TXLNG: variants seen among roughly 807,000 people sequenced by gnomAD.
TXLNG encodes gamma-taxilin.
A neutral mutation model predicts 38.8 loss-of-function variants in TXLNG; 5 were observed. The ratio of observed to expected loss-of-function variants is 0.13; its 90% CI spans 0.07 to 0.27. TXLNG has a LOEUF of 0.27. Among genes scored for constraint, TXLNG ranks in the 10% least tolerant of loss-of-function variants. The pLI is 1.00. For missense variants in TXLNG, 393 were observed against 398.2 expected, an observed-to-expected ratio of 0.99 and a Z score of 0.11; for synonymous variants, 182 against 158.2, an observed-to-expected ratio of 1.15 and a Z score of -1.13.
At chrX:16,836,316 C>T (rs766173360) in intron 7 of TXLNG, among the ~76,000 whole-genome samples, 14 of 112,272 alleles carry the variant, frequency 1.2e-4, no homozygotes, top group Non-Finnish European at 1.9e-4. Context: ...ATACTGCTCC[C>T]TCCCTCTGCG....
At chrX:16,821,039 G>T (rs751339485) in intron 3 of TXLNG, among the ~76,000 whole-genome samples, 8 of 107,603 alleles carry the variant, frequency 7.4e-5, no homozygotes, top group African/African-American at 2.4e-4. Flanking sequence ...AAAGTGCTGG[G>T]ATTACAGGCA....
chrX:16,790,435 C>T (rs995879444), intron 1 of TXLNG, among the ~76,000 whole-genome samples: 1 of 110,453 alleles, frequency 9.1e-6, no homozygotes, highest in African/African-American at 3.3e-5. Flanking sequence ...CTCCTAGGCT[C>T]AGGCGATCGT....
intron 3 of TXLNG, among the ~76,000 whole-genome samples, chrX:16,823,943 A>G (rs896861415): frequency 2.7e-5 from 3 of 110,712 alleles, no homozygotes; most frequent in African/African-American, 9.8e-5. Flanking sequence ...TTTACTCTCT[A>G]TAGATTTTAG....
intron 1 of TXLNG, among the ~76,000 whole-genome samples, chrX:16,789,211 A>T (rs1927616176): frequency 9.0e-6 from 1 of 111,100 alleles, no homozygotes; most frequent in South Asian, 3.7e-4. Flanking sequence ...ACAATTGGAG[A>T]TGGGCTTTTT....
At chrX:16,838,142 ACTGAATTCTTTCTCCC>A (rs1256560524) in intron 8 of TXLNG, among the ~76,000 whole-genome samples, 2 of 111,530 alleles carry the variant, frequency 1.8e-5, no homozygotes, top group Non-Finnish European at 3.8e-5. Context: ...CTTTACTCCC[ACTGAATTCTTTCTCCC>A]CTGACCCAAC....
intron 1 of TXLNG, among the ~76,000 whole-genome samples, chrX:16,804,438 G>A (rs983440220): frequency 9.0e-6 from 1 of 111,046 alleles, no homozygotes; most frequent in Non-Finnish European, 1.9e-5. Flanking sequence ...ATGCATGTGA[G>A]TTCAGACGTT....
At chrX:16,812,917 T>A (rs1371545383) in intron 1 of TXLNG, among the ~76,000 whole-genome samples, 4 of 108,393 alleles carry the variant, frequency 3.7e-5, no homozygotes, top group African/African-American at 1.3e-4. Flanking sequence ...ATCAGGCTAG[T>A]CTCGAACTCC....
At chrX:16,795,568 CTCTTT>C (rs770736321) in intron 1 of TXLNG, among the ~76,000 whole-genome samples, 91 of 111,748 alleles carry the variant, frequency 8.1e-4, no homozygotes, top group Non-Finnish European at 1.4e-3. Flanking sequence ...TAGTCTGCCT[CTCTTT>C]TCTTGTCATT....
chrX:16,839,943 G>T (rs780894096), intron 9 of TXLNG, 27 bp downstream of exon 9: 1 of 1,085,059 alleles, frequency 9.2e-7, no homozygotes, highest in South Asian at 2.1e-5. Context: ...CGACTAAGGT[G>T]TAGTCTTAGT....
chrX:16,798,800 A>C lies in TXLNG; in HGVS notation c.102+12211A>C, dbSNP rs182497301. 7.2e-3 allele frequency among the ~76,000 whole-genome samples: 782 copies of C among 108,848 alleles called. 5 individuals carry two copies. The highest frequency in any genetic ancestry group is 0.025 in the African/African-American group (735 of 29,859). 94.5% of individuals were successfully genotyped at this position (108,848 alleles called of 115,157 possible). A position where few individuals can be genotyped will look rare whatever the true frequency, so the allele number is the denominator to read the frequency against. ...AGGTTCTCACTATGGCTGGTCTCCAACTCCTGGGCTCAAGTGATCCTACTG... is the reference window on the plus strand; with the variant it reads ...AGGTTCTCACTATGGCTGGTCTCCACCTCCTGGGCTCAAGTGATCCTACTG... On this transcript the variant is annotated intron_variant, in intron 1 of 9. Transcript: ENST00000380122.
chrX:16,838,666 T>C (rs768249633), intron 8 of TXLNG, among the ~76,000 whole-genome samples: 1 of 112,147 alleles, frequency 8.9e-6, no homozygotes, highest in Admixed American at 9.4e-5. Flanking sequence ...GAGAATTCCA[T>C]GAGCAGCAGA....
At chrX:16,786,761 G>A (rs1441248315) in intron 1 of TXLNG, among the ~76,000 whole-genome samples, 172 bp downstream of exon 1, 2 of 104,685 alleles carry the variant, frequency 1.9e-5, no homozygotes, top group East Asian at 6.2e-4. Flanking sequence ...GGGTGGGACC[G>A]CGATGGATGG....
chrX:16,815,775 T>C (rs1402118461), intron 1 of TXLNG, among the ~76,000 whole-genome samples: 1 of 110,573 alleles, frequency 9.0e-6, no homozygotes, highest in Non-Finnish European at 1.9e-5. Flanking sequence ...CCGTCTCGTC[T>C]CGGTCTCCCA....
At chrX:16,789,156 G>GT (rs746919113) in intron 1 of TXLNG, among the ~76,000 whole-genome samples, 67 of 111,625 alleles carry the variant, frequency 6.0e-4, no homozygotes, top group African/African-American at 2.0e-3. Context: ...AGAAAAGTGA[G>GT]TGTTTTGTCA....
At chrX:16,810,764 C>G (rs1928483294) in intron 1 of TXLNG, among the ~76,000 whole-genome samples, 1 of 111,977 alleles carries the variant, frequency 8.9e-6, no homozygotes, top group Non-Finnish European at 1.9e-5. Flanking sequence ...TCTCAGCTCA[C>G]TGCAACCTCC....
chrX:16,816,575 A>G (rs755634919), intron 1 of TXLNG, among the ~76,000 whole-genome samples: 1 of 112,623 alleles, frequency 8.9e-6, no homozygotes, highest in Non-Finnish European at 1.9e-5. Flanking sequence ...CTTTTCAAAT[A>G]ACTTAAGAGT....
chrX:16,813,859 G>C (rs1928630645), intron 1 of TXLNG, among the ~76,000 whole-genome samples: 1 of 111,531 alleles, frequency 9.0e-6, no homozygotes, highest in African/African-American at 3.3e-5. Flanking sequence ...GGCCGAGGTG[G>C]TCGGATCATA....
At chrX:16,789,044 T>G (rs1331137260) in intron 1 of TXLNG, among the ~76,000 whole-genome samples, 2 of 112,476 alleles carry the variant, frequency 1.8e-5, no homozygotes, top group Non-Finnish European at 3.8e-5. Flanking sequence ...GGTCACTGAC[T>G]TGAAAAAATA....
intron 1 of TXLNG, among the ~76,000 whole-genome samples, chrX:16,799,993 G>A (rs1166811441): frequency 2.7e-5 from 3 of 109,250 alleles, no homozygotes; most frequent in Admixed American, 2.0e-4. Flanking sequence ...AGGCTGGAGT[G>A]CAGTGGTATG....
Sources: allele counts gnomAD v4.1 joint callset (sites outside exome capture counted in the v4.1 genomes callset), GRCh38; gene constraint gnomAD v4.1.1; transcripts MANE v1.5; gene names NCBI Gene and HGNC (gene_info 2026-07-23, HGNC 2026-07-21).